The following PCDHGB1 variants were observed in gnomAD, a reference collection of about 807,000 sequenced individuals.
PCDHGB1 encodes protocadherin gamma-B1.
Under a neutral mutation model 56.6 loss-of-function variants are expected in PCDHGB1, and 34 were observed. That is an observed-to-expected ratio of 0.60 (90% CI 0.46 to 0.80). The LOEUF (loss-of-function observed/expected upper bound fraction) is 0.80, where lower values mean the gene tolerates loss of function less well. Among genes scored for constraint, PCDHGB1 ranks in the 30% least tolerant of loss-of-function variants. The pLI is 0.00. For missense variants in PCDHGB1, 1,278 were observed against 1,204.6 expected (o/e 1.06, Z -0.90); for synonymous variants, 561 against 505.9 (o/e 1.11, Z -1.46).
At chr5:141,467,846 A>G (rs984687278) in intron 1 of PCDHGB1, among the ~76,000 whole-genome samples, 2 of 151,926 alleles carry the variant, frequency 1.3e-5, no homozygotes, top group Non-Finnish European at 2.9e-5. Context: ...TTTTTGTAGA[A>G]TGAGATTTCA....
At chr5:141,419,555 G>A (rs1411289369) in intron 1 of PCDHGB1, 3 of 1,611,876 alleles carry the variant, frequency 1.9e-6, no homozygotes, top group South Asian at 1.1e-5. Context: ...GCTGTACCCT[G>A]CGCTGGGTCC....
chr5:141,359,918 T>C (rs1383987638), intron 1 of PCDHGB1: 2 of 439,790 alleles, frequency 4.5e-6, no homozygotes, highest in African/African-American at 2.0e-5. Flanking sequence ...TGCAGTTTCC[T>C]GAGAAAACCT....
At chr5:141,460,122 G>A (rs530307574) in intron 1 of PCDHGB1, among the ~76,000 whole-genome samples, 2 of 151,928 alleles carry the variant, frequency 1.3e-5, no homozygotes, top group African/African-American at 4.8e-5. Flanking sequence ...TTTTATATAT[G>A]TAATATATAT....
At chr5:141,469,191 G>A (rs1431459571) in intron 1 of PCDHGB1, among the ~76,000 whole-genome samples, 1 of 151,882 alleles carries the variant, frequency 6.6e-6, no homozygotes, top group Admixed American at 6.6e-5. Flanking sequence ...CAAGAGGATT[G>A]CTTGAGCCTT....
At chr5:141,481,913 C>CAA (rs34114744) in intron 1 of PCDHGB1, among the ~76,000 whole-genome samples, 26 of 90,736 alleles carry the variant, frequency 2.9e-4, no homozygotes, top group Non-Finnish European at 3.5e-4. Context: ...AACTCCATCT[C>CAA]AAAAAAAAAA....
At chr5:141,371,162 C>A (rs1767541774) in intron 1 of PCDHGB1, 3 of 1,613,860 alleles carry the variant, frequency 1.9e-6, no homozygotes, top group African/African-American at 2.7e-5. Flanking sequence ...AGAACCTGCC[C>A]GCTGGCTCCT....
intron 1 of PCDHGB1, chr5:141,392,800 G>T (rs1394780689): frequency 6.4e-7 from 1 of 1,570,722 alleles, no homozygotes; most frequent in African/African-American, 1.4e-5. Context: ...AGAGGATTCT[G>T]CAGCAAAACA....
At chr5:141,405,020 A>G in intron 1 of PCDHGB1, 1 of 1,613,342 alleles carries the variant, frequency 6.2e-7, no homozygotes, top group Non-Finnish European at 8.5e-7. Context: ...CTCAGACCTT[A>G]CCCTCTACCT....
Position 141,487,613 on chromosome 5 carries a change from G to C in PCDHGB1, c.2410-7194G>C, listed in dbSNP as rs1460090760. 1 of 1,614,218 alleles carries C rather than the reference G, an allele frequency of 6.2e-7. No homozygotes were observed. ...ACCCTCTGATCTTCTCTATGGGCTA[G>C]AGGTGAGACCTTTGCAGGCTCAACA... On this transcript the variant is annotated intron_variant, in intron 1 of 3. Coordinates refer to ENST00000523390, the MANE Select transcript of PCDHGB1 (RefSeq NM_018922.3). The surrounding 1 kb of genome is among the most constrained non-coding windows in gnomAD (Gnocchi z 5.0).
intron 1 of PCDHGB1, chr5:141,362,530 C>A: frequency 6.2e-7 from 1 of 1,613,936 alleles, no homozygotes. Context: ...CGCTGGGGTC[C>A]CTTTTGCCTC....
intron 1 of PCDHGB1, chr5:141,403,607 G>T: frequency 6.2e-7 from 1 of 1,613,858 alleles, no homozygotes; most frequent in Non-Finnish European, 8.5e-7. Flanking sequence ...GGATGGCGGC[G>T]AGCCGCGTCG....
At chr5:141,389,113 G>A in intron 1 of PCDHGB1, 1 of 1,613,970 alleles carries the variant, frequency 6.2e-7, no homozygotes, top group South Asian at 1.1e-5. Flanking sequence ...GTTCTAGACC[G>A]CGAGCAGAAT....
At chr5:141,427,808 G>C (rs756554301) in intron 1 of PCDHGB1, 1 of 1,522,948 alleles carries the variant, frequency 6.6e-7, no homozygotes, top group Non-Finnish European at 9.0e-7. Context: ...TGAGCGCACA[G>C]AGCGGGGTGG....
chr5:141,366,025 C>T (rs1764265075), intron 1 of PCDHGB1: 1 of 1,614,128 alleles, frequency 6.2e-7, no homozygotes, highest in Non-Finnish European at 8.5e-7. Context: ...TCCTGTACCC[C>T]GCCCTCCCCA....
intron 1 of PCDHGB1, chr5:141,402,998 C>G: frequency 6.2e-7 from 1 of 1,613,908 alleles, no homozygotes; most frequent in Non-Finnish European, 8.5e-7. Context: ...ATTAGTCCTG[C>G]TATGCTCGCT....
At chr5:141,423,885 A>G in intron 1 of PCDHGB1, 6 of 1,277,816 alleles carry the variant, frequency 4.7e-6, no homozygotes, top group Non-Finnish European at 5.9e-6. Flanking sequence ...ATCTTGGCAT[A>G]TTTTCTTTTG....
chr5:141,364,214 G>A lies in PCDHGB1; in HGVS notation c.2409+11545G>A, dbSNP rs935384771. 7 of 1,287,292 alleles carry A rather than the reference G, an allele frequency of 5.4e-6. No individual in the cohort carries two copies. In the African/African-American group the frequency reaches 6.0e-5, roughly 11 times the overall value. The allele number at this position is 1,287,292 out of a possible 1,614,324, so 79.7% of individuals were successfully genotyped here. A position where few individuals can be genotyped will look rare whatever the true frequency, so the allele number is the denominator to read the frequency against. On this transcript the variant is annotated intron_variant, in intron 1 of 3. Transcript: ENST00000523390. ...ACACACAGACCAGACAAGCTCCTAC[G>A]AAAAGCCAACGCTCCACGCCCATTT...
At chr5:141,361,319 A>T in intron 1 of PCDHGB1, 1 of 1,613,956 alleles carries the variant, frequency 6.2e-7, no homozygotes, top group Non-Finnish European at 8.5e-7. Flanking sequence ...TTTATTTTGA[A>T]ATCTTCCTCA....
At chr5:141,421,700 C>A (rs755518757) in intron 1 of PCDHGB1, 2 of 1,613,900 alleles carry the variant, frequency 1.2e-6, no homozygotes, top group Non-Finnish European at 1.7e-6. Flanking sequence ...CTTCCTAATG[C>A]TAGGGATCCA....
Sources: allele counts gnomAD v4.1 joint callset (sites outside exome capture counted in the v4.1 genomes callset), GRCh38; gene constraint gnomAD v4.1.1; non-coding constraint Gnocchi (gnomAD v3.1); transcripts MANE v1.5; gene names NCBI Gene and HGNC (gene_info 2026-07-23, HGNC 2026-07-21).